Variants in ALMS1 observed in about 807,000 individuals in gnomAD.
ALMS1 encodes the protein centrosome-associated protein ALMS1.
A neutral mutation model predicts 352.2 loss-of-function variants in ALMS1; 271 were observed. That is an observed-to-expected ratio of 0.77 (90% CI 0.70 to 0.85). ALMS1 has a LOEUF of 0.85. Among genes scored for constraint, ALMS1 ranks in the 40% least tolerant of loss-of-function variants. ALMS1 has a pLI of 0.00. For missense variants in ALMS1, 5,445 were observed against 4,870.7 expected (o/e 1.12, Z -3.51); for synonymous variants, 1,865 against 1,761.2 (o/e 1.06, Z -1.48).
chr2:73,386,502 A>G (rs1178567004), intron 1 of ALMS1, among the ~76,000 whole-genome samples: 1 of 152,056 alleles, frequency 6.6e-6, no homozygotes, highest in Admixed American at 6.5e-5. Flanking sequence ...TCGAGCCTTG[A>G]AGGAGGGAAA....
In ALMS1 at chr2:73,452,392, G is replaced by T. The variant is rs1213774698; in HGVS notation, c.5865G>T (p.Leu1955Phe). Residue 1955 changes from leucine (L) to phenylalanine (F), a missense_variant, in exon 8 of 23, where the codon TTG (leucine) becomes TTT (phenylalanine). Transcript: ENST00000613296. ...CCAGTGTTATCTCTCAACAGGAGTT[G>T]CCAGACAGTCATCTCACAGAAGAGG... ...EKPSVISQQELPDSHLTEEAL... is the reference protein window; with the variant it reads ...EKPSVISQQEFPDSHLTEEAL... The T allele has an allele frequency of 6.2e-7, 1 of 1,613,994 alleles. No individual in the cohort carries two copies. Among genetic ancestry groups the T allele is most frequent in the Non-Finnish European group, 8.5e-7 (1 of 1,179,970 alleles).
At chr2:73,599,368 G>A (rs1558710433) in intron 16 of ALMS1, 33 bp from the exon 17 acceptor site, 1 of 1,609,238 alleles carries the variant, frequency 6.2e-7, no homozygotes, top group African/African-American at 1.3e-5. Context: ...TTGACTGCAG[G>A]TAATAATAAC....
rs773130069 is a variant in ALMS1, at chr2:73,573,209, A to G, written c.11332A>G (p.Arg3778Gly). Reference protein sequence around the residue: ...QTDREVALHERSSSVSTIDTA... With the variant: ...QTDREVALHEGSSSVSTIDTA... ...AGATAGAGAGGTGGCTCTGCACGAAAGGAGTAGCTCTGTTTCCACTATTGA... is the reference window on the plus strand; with the variant it reads ...AGATAGAGAGGTGGCTCTGCACGAAGGGAGTAGCTCTGTTTCCACTATTGA... Residue 3778 changes from arginine to glycine, a missense_variant, in exon 16 of 23, where the codon AGG (arginine) becomes GGG (glycine). Coordinates refer to ENST00000613296, the MANE Select transcript of ALMS1 (RefSeq NM_001378454.1). 17 of 1,612,444 alleles carry G rather than the reference A, an allele frequency of 1.1e-5. No homozygotes were observed. The highest frequency in any genetic ancestry group is 4.2e-6 in the Non-Finnish European group (5 of 1,178,980).
chr2:73,409,724 A>G (rs1267616865), intron 2 of ALMS1, among the ~76,000 whole-genome samples: 2 of 152,220 alleles, frequency 1.3e-5, no homozygotes, highest in African/African-American at 4.8e-5. Flanking sequence ...ACATCTATCT[A>G]TTTATACACA....
intron 1 of ALMS1, among the ~76,000 whole-genome samples, chr2:73,397,184 C>A (rs1044679645): frequency 1.3e-5 from 2 of 152,226 alleles, no homozygotes; most frequent in South Asian, 4.2e-4. Flanking sequence ...CGCATTGCAC[C>A]TCCAGCAATT....
chr2:73,600,677 G>C lies in ALMS1; in HGVS notation c.11669-1G>C, dbSNP rs750737346. ...GAGACACCTATGATCCTTCCCCTCAGGTAACTTGGAGATTGTGAACGGTGC... is the reference window on the plus strand; with the variant it reads ...GAGACACCTATGATCCTTCCCCTCACGTAACTTGGAGATTGTGAACGGTGC... On this transcript the variant is annotated splice_acceptor_variant, in intron 17 of 22. Transcript: ENST00000613296. LOFTEE classifies it high-confidence loss of function. 2 of 1,611,978 alleles carry C rather than the reference G, an allele frequency of 1.2e-6. No individual in the cohort carries two copies. Among genetic ancestry groups the C allele is most frequent in the Non-Finnish European group, 1.7e-6 (2 of 1,178,968 alleles).
chr2:73,592,696 G>T (rs952933037), intron 16 of ALMS1, among the ~76,000 whole-genome samples: 5 of 152,150 alleles, frequency 3.3e-5, no homozygotes, highest in Admixed American at 1.3e-4. Flanking sequence ...CTTTTCCTAT[G>T]TTGGATATGT....
intron 10 of ALMS1, among the ~76,000 whole-genome samples, chr2:73,502,014 T>C (rs763850769): frequency 6.6e-5 from 10 of 152,120 alleles, no homozygotes; most frequent in Non-Finnish European, 1.0e-4. Context: ...GTAGTTAATA[T>C]ACTATGGTAT....
At chr2:73,426,574 A>T in intron 6 of ALMS1, 21 bp downstream of exon 6, 1 of 1,609,496 alleles carries the variant, frequency 6.2e-7, no homozygotes, top group Non-Finnish European at 8.5e-7. Context: ...ATAAAATGAT[A>T]GTTGTAAGAA....
rs2103779262 is a variant in ALMS1, at chr2:73,450,052, T to C, written c.3525T>C (p.Thr1175=). The C allele has an allele frequency of 1.2e-6, 2 of 1,614,024 alleles. No homozygotes were observed. The highest frequency in any genetic ancestry group is 1.7e-6 in the Non-Finnish European group (2 of 1,179,968). Residue 1175 remains threonine, a synonymous_variant, in exon 8 of 23, where the codon ACT becomes ACC. Coordinates refer to ENST00000613296, the MANE Select transcript of ALMS1 (RefSeq NM_001378454.1). ...PEEAQKVSAV[T]GPGNQKTWIP... Reference sequence around the variant, plus strand: ...AGGCTCAGAAAGTTTCAGCTGTTACTGGACCAGGTAACCAGAAGACTTGGA... The same window carrying C: ...AGGCTCAGAAAGTTTCAGCTGTTACCGGACCAGGTAACCAGAAGACTTGGA...
intron 2 of ALMS1, among the ~76,000 whole-genome samples, chr2:73,413,384 A>C (rs879934344): frequency 1.3e-5 from 2 of 152,116 alleles, no homozygotes; most frequent in Non-Finnish European, 2.9e-5. Flanking sequence ...ATCTTGGCCT[A>C]ATCCTATGTC....
At chr2:73,398,426 C>G (rs144603934) in intron 1 of ALMS1, among the ~76,000 whole-genome samples, 1 of 152,084 alleles carries the variant, frequency 6.6e-6, no homozygotes, top group Non-Finnish European at 1.5e-5. Context: ...TCCTCCAATT[C>G]GGAGTCTTTT....
At chr2:73,422,823 C>T (rs376175673) in intron 3 of ALMS1, 34 bp from the exon 4 acceptor site, 10 of 1,514,766 alleles carry the variant, frequency 6.6e-6, no homozygotes, top group African/African-American at 1.4e-5. Context: ...CAATTTTCAG[C>T]ATTACCCAGC....
At chr2:73,429,561 G>A (rs920411675) in intron 6 of ALMS1, among the ~76,000 whole-genome samples, 2 of 152,078 alleles carry the variant, frequency 1.3e-5, no homozygotes, top group African/African-American at 2.4e-5. Flanking sequence ...GGGGTTACAG[G>A]CGTGAGCCAC....
chr2:73,571,857 T>C (rs540899569), intron 15 of ALMS1, among the ~76,000 whole-genome samples: 31 of 152,146 alleles, frequency 2.0e-4, no homozygotes, highest in Non-Finnish European at 4.1e-4. Context: ...TCAGGTTTCT[T>C]AGCTGAATAT....
intron 8 of ALMS1, chr2:73,454,479 C>T: frequency 7.9e-6 from 5 of 636,486 alleles, no homozygotes; most frequent in Non-Finnish European, 9.8e-6. Context: ...ATTTGCTGTG[C>T]TCTAAATTGC....
At chr2:73,552,294 T>C (rs550247103) in intron 13 of ALMS1, among the ~76,000 whole-genome samples, 2 of 152,324 alleles carry the variant, frequency 1.3e-5, no homozygotes, top group Non-Finnish European at 2.9e-5. Context: ...CCAGCTAACA[T>C]TGAGACTGCC....
intron 21 of ALMS1, among the ~76,000 whole-genome samples, 178 bp from the exon 22 acceptor site, chr2:73,608,297 G>A (rs1675863211): frequency 2.0e-5 from 3 of 152,094 alleles, no homozygotes; most frequent in Admixed American, 2.0e-4. Context: ...CTTCCAGATT[G>A]TGAGCCCCGG....
At position 73,453,898 on chromosome 2, in the gene ALMS1, A is replaced by G; in HGVS notation, c.7371A>G (p.Thr2457=). Reference sequence around the variant, plus strand: ...ATGTTTCACCCAAGACAAGTATAACAGATAGCAGGGAGGAAGAGGGTGTGT... The same window carrying G: ...ATGTTTCACCCAAGACAAGTATAACGGATAGCAGGGAGGAAGAGGGTGTGT... ...FPYVSPKTSI[T]DSREEEGVSE... is the part of the protein sequence containing the mutation. The change falls in exon 8 of 23, where the codon ACA becomes ACG. Residue 2457 remains threonine (T), a synonymous_variant. Coordinates refer to ENST00000613296, the MANE Select transcript of ALMS1 (RefSeq NM_001378454.1). 6.2e-7 allele frequency: 1 copy of G among 1,614,118 alleles called. No individual in the cohort carries two copies. The highest frequency in any genetic ancestry group is 8.5e-7 in the Non-Finnish European group (1 of 1,179,986).
Sources: gnomAD v4.1 joint callset for allele counts (sites outside exome capture counted in the v4.1 genomes callset) on GRCh38, gnomAD v4.1.1 for gene constraint, MANE v1.5 for transcripts, NCBI Gene and HGNC (gene_info 2026-07-23, HGNC 2026-07-21) for gene names.